Variants in GALNT13 observed in about 807,000 individuals in gnomAD.
GALNT13 encodes polypeptide N-acetylgalactosaminyltransferase 13, also known as UDP-GalNAc:polypeptide N-acetylgalactosaminyltransferase 13.
Under a neutral mutation model 64.2 loss-of-function variants are expected in GALNT13, and 28 were observed. The observed-to-expected ratio is 0.44, with a 90% CI of 0.32 to 0.60. The LOEUF (loss-of-function observed/expected upper bound fraction) is 0.60, where lower values mean the gene tolerates loss of function less well. Ranked by LOEUF, GALNT13 falls within the 20% of genes least tolerant of loss-of-function variation. GALNT13 has a pLI of 0.05. For synonymous variants in GALNT13, 214 were observed against 224.6 expected, an observed-to-expected ratio of 0.95 and a Z score of 0.42; for missense variants, 577 against 669.8, an observed-to-expected ratio of 0.86 and a Z score of 1.53.
At chr2:153,346,956 C>T in the GALNT13 span, among the ~76,000 whole-genome samples, 1 of 152,162 alleles carries the variant, frequency 6.6e-6, no homozygotes, top group Non-Finnish European at 1.5e-5. Context: ...ATTTGTGGGA[C>T]CACGTGCAAG....
chr2:154,327,240 C>T (rs538573135), intron 9 of GALNT13, among the ~76,000 whole-genome samples: 1 of 152,212 alleles, frequency 6.6e-6, no homozygotes, highest in Non-Finnish European at 1.5e-5. Flanking sequence ...TCGCCTTTGC[C>T]TTCCACCATG....
the GALNT13 span, among the ~76,000 whole-genome samples, chr2:153,072,914 G>C: frequency 6.6e-6 from 1 of 152,010 alleles, no homozygotes; most frequent in Non-Finnish European, 1.5e-5. Context: ...ATCTTCTATT[G>C]AGCATCGTTC....
At chr2:153,075,994 T>C in the GALNT13 span, among the ~76,000 whole-genome samples, 1 of 152,186 alleles carries the variant, frequency 6.6e-6, no homozygotes, top group African/African-American at 2.4e-5. Flanking sequence ...TGTGAATATT[T>C]CATGGTGTAT....
chr2:153,631,978 C>T, the GALNT13 span, among the ~76,000 whole-genome samples: 3 of 152,056 alleles, frequency 2.0e-5, no homozygotes, highest in Admixed American at 6.6e-5. Flanking sequence ...CTTTAATCCC[C>T]TACCTCTTAG....
chr2:153,693,411 T>C, the GALNT13 span, among the ~76,000 whole-genome samples: 1 of 152,064 alleles, frequency 6.6e-6, no homozygotes, highest in South Asian at 2.1e-4. Context: ...TAAAATTAGG[T>C]GTATATAGCA....
the GALNT13 span, among the ~76,000 whole-genome samples, chr2:153,084,585 A>G: frequency 6.6e-6 from 1 of 152,220 alleles, no homozygotes; most frequent in East Asian, 1.9e-4. Flanking sequence ...TGTTTCCCCC[A>G]TATTCTTCTT....
Position 154,297,068 on chromosome 2 carries a change from C to T in GALNT13, c.976-4341C>T, listed in dbSNP as rs571168501. On this transcript the variant is annotated intron_variant, in intron 8 of 12. Transcript: ENST00000392825. Reference sequence around the variant, plus strand: ...GAATGTGGCAGAAGGCCAGTATCACCAGTGTTTTTTGACAGAGAGGGAGAA... The same window carrying T: ...GAATGTGGCAGAAGGCCAGTATCACTAGTGTTTTTTGACAGAGAGGGAGAA... 5.9e-5 allele frequency among the ~76,000 whole-genome samples: 9 copies of T among 152,294 alleles called. No homozygotes were observed. The East Asian group carries it at 1.7e-3, about 29-fold the overall frequency.
At chr2:153,304,599 C>T in the GALNT13 span, among the ~76,000 whole-genome samples, 388 of 152,208 alleles carry the variant, frequency 2.5e-3, no homozygotes, top group Non-Finnish European at 4.1e-3. Context: ...TGACTTATGA[C>T]GGAATAACCT....
chr2:153,768,776 A>G, the GALNT13 span, among the ~76,000 whole-genome samples: 1 of 152,122 alleles, frequency 6.6e-6, no homozygotes, highest in Non-Finnish European at 1.5e-5. Context: ...TGAGGCAGGA[A>G]AATGGTGTGA....
the GALNT13 span, among the ~76,000 whole-genome samples, chr2:153,232,284 AG>A: frequency 2.6e-5 from 4 of 152,234 alleles, no homozygotes; most frequent in African/African-American, 9.6e-5. Context: ...ATCTGCATAA[AG>A]CAAGCTATTT....
At chr2:154,406,996 A>T (rs11689243) in intron 10 of GALNT13, among the ~76,000 whole-genome samples, 99,204 of 152,030 alleles carry the variant, frequency 0.65, 32,922 homozygotes, top group Admixed American at 0.73. Flanking sequence ...TCTTAAAGGT[A>T]TTTCTTAATT....
chr2:154,376,985 T>C (rs1232666365), intron 9 of GALNT13, among the ~76,000 whole-genome samples: 1 of 152,154 alleles, frequency 6.6e-6, no homozygotes, highest in Non-Finnish European at 1.5e-5. Context: ...GTAGAACTTA[T>C]TTTGAATATT....
intron 2 of GALNT13, among the ~76,000 whole-genome samples, chr2:153,935,030 A>G (rs2105364799): frequency 6.6e-6 from 1 of 152,306 alleles, no homozygotes; most frequent in South Asian, 2.1e-4. Context: ...AGATGTATTT[A>G]GTTTTTCTCA....
chr2:153,374,347 C>CTA, the GALNT13 span, among the ~76,000 whole-genome samples: 4 of 152,092 alleles, frequency 2.6e-5, no homozygotes, highest in Non-Finnish European at 5.9e-5. Flanking sequence ...TAATGTTGAG[C>CTA]ATCTTTTCAT....
the GALNT13 span, among the ~76,000 whole-genome samples, chr2:153,487,988 A>G: frequency 1.3e-5 from 2 of 152,356 alleles, no homozygotes; most frequent in East Asian, 1.9e-4. Context: ...CCAAAGGAAT[A>G]TTAAGGTAAA....
chr2:153,825,344 C>T, the GALNT13 span, among the ~76,000 whole-genome samples: 1 of 152,114 alleles, frequency 6.6e-6, no homozygotes, highest in Non-Finnish European at 1.5e-5. Flanking sequence ...AGGGAATATA[C>T]AAACAGTGGT....
At chr2:154,424,483 CCT>C (rs1163757645) in intron 11 of GALNT13, among the ~76,000 whole-genome samples, 1 of 152,144 alleles carries the variant, frequency 6.6e-6, no homozygotes, top group East Asian at 1.9e-4. Context: ...TTGTTTCTCC[CCT>C]TGCTTCCAGC....
intron 9 of GALNT13, among the ~76,000 whole-genome samples, chr2:154,362,618 T>C (rs1185289623): frequency 6.6e-6 from 1 of 152,044 alleles, no homozygotes; most frequent in Non-Finnish European, 1.5e-5. Flanking sequence ...GAAAACTTGA[T>C]ATACAAGAAG....
chr2:153,611,173 T>C, the GALNT13 span, among the ~76,000 whole-genome samples: 6 of 152,108 alleles, frequency 3.9e-5, no homozygotes, highest in Non-Finnish European at 8.8e-5. Context: ...TAAATGCAAA[T>C]GGTTTGAAAT....
Sources: allele counts gnomAD v4.1 joint callset (sites outside exome capture counted in the v4.1 genomes callset), GRCh38; gene constraint gnomAD v4.1.1; transcripts MANE v1.5; gene names NCBI Gene and HGNC (gene_info 2026-07-23, HGNC 2026-07-21).